The following PCNX2 variants were observed in gnomAD, a reference collection of about 807,000 sequenced individuals.
PCNX2 encodes the protein pecanex 2.
A neutral mutation model predicts 223.8 loss-of-function variants in PCNX2; 168 were observed. The observed-to-expected ratio is 0.75, with a 90% CI of 0.66 to 0.85. The LOEUF is 0.85. PCNX2 is among the 40% of genes least tolerant of loss of function. The pLI is 0.00. For missense variants in PCNX2, 2,507 were observed against 2,675.5 expected (o/e 0.94, Z 1.39); for synonymous variants, 1,006 against 1,052.6 (o/e 0.96, Z 0.86).
At chr1:233,057,353 T>G (rs992041771) in intron 23 of PCNX2, 63 bp from the exon 24 acceptor site, 2 of 1,319,922 alleles carry the variant, frequency 1.5e-6, no homozygotes, top group Non-Finnish European at 2.2e-6. Flanking sequence ...AAGAGTTGGT[T>G]TATAGAACCA....
chr1:233,111,435 G>A (rs1675110240), intron 21 of PCNX2, among the ~76,000 whole-genome samples: 1 of 152,146 alleles, frequency 6.6e-6, no homozygotes, highest in South Asian at 2.1e-4. Context: ...TTGAGACAGA[G>A]TCTTGCTCTG....
At chr1:233,236,320 C>A (rs1658412528) in intron 9 of PCNX2, among the ~76,000 whole-genome samples, 1 of 151,998 alleles carries the variant, frequency 6.6e-6, no homozygotes, top group African/African-American at 2.4e-5. Flanking sequence ...TAAAGGTCGA[C>A]TGGATAAATG....
At chr1:233,209,425 T>C (rs1430041901) in intron 12 of PCNX2, among the ~76,000 whole-genome samples, 1 of 151,996 alleles carries the variant, frequency 6.6e-6, no homozygotes. Flanking sequence ...CAACAAAAAA[T>C]TTACATCTCA....
intron 1 of PCNX2, among the ~76,000 whole-genome samples, chr1:233,268,227 G>T (rs1660449683): frequency 6.6e-6 from 1 of 152,040 alleles, no homozygotes; most frequent in Admixed American, 6.6e-5. Context: ...TTAATTTTTG[G>T]AGGAACTGCC....
At chr1:233,163,266 A>G (rs926039921) in intron 17 of PCNX2, among the ~76,000 whole-genome samples, 7 of 151,982 alleles carry the variant, frequency 4.6e-5, no homozygotes, top group African/African-American at 1.7e-4. Context: ...CAGGTGGATC[A>G]CTTGAGGTCA....
In PCNX2 at chr1:233,295,277, T is replaced by C. The variant is rs2103034119; in HGVS notation, c.153+49A>G. The C allele has an allele frequency of 6.4e-7, 1 of 1,558,078 alleles. No individual in the cohort carries two copies. Among genetic ancestry groups the C allele is most frequent in the Non-Finnish European group, 8.7e-7 (1 of 1,150,668 alleles). ...GGCACGTCTGTGGTTCCTTTCTCCT[T>C]CTTCCCTCCATACCCACAGCTCCCC... On this transcript the variant is annotated intron_variant, in intron 1 of 33. Transcript: ENST00000258229. This position sits in a 1 kb window ranked among gnomAD's most constrained non-coding sequence, Gnocchi z 4.1.
At chr1:232,999,472 A>C in intron 30 of PCNX2, 93 bp from the exon 31 acceptor site, 3 of 1,080,594 alleles carry the variant, frequency 2.8e-6, no homozygotes, top group Non-Finnish European at 3.8e-6. Context: ...TTTTTTTTTG[A>C]GATAGAGTTT....
intron 17 of PCNX2, among the ~76,000 whole-genome samples, chr1:233,176,192 G>A (rs1382460061): frequency 3.3e-5 from 5 of 152,204 alleles, no homozygotes; most frequent in Admixed American, 1.3e-4. Context: ...CACAATTAAT[G>A]AGCATTGTGT....
intron 10 of PCNX2, among the ~76,000 whole-genome samples, chr1:233,226,382 G>T (rs11587201): frequency 6.6e-6 from 1 of 152,130 alleles, no homozygotes; most frequent in Non-Finnish European, 1.5e-5. Flanking sequence ...CAATTCTCTA[G>T]CCTCAGCCTC....
At chr1:233,194,424 A>G (rs1278524364) in intron 15 of PCNX2, among the ~76,000 whole-genome samples, 5 of 151,994 alleles carry the variant, frequency 3.3e-5, no homozygotes, top group Non-Finnish European at 7.4e-5. Flanking sequence ...TATGATGGCA[A>G]GCAGAAAGAT....
chr1:233,017,891 C>T (rs145028271), intron 26 of PCNX2, among the ~76,000 whole-genome samples: 22 of 152,342 alleles, frequency 1.4e-4, no homozygotes, highest in South Asian at 8.3e-4. Flanking sequence ...CACCCTCTGA[C>T]GGGGTTGCTG....
chr1:233,169,437 G>C (rs913535722), intron 17 of PCNX2, among the ~76,000 whole-genome samples: 1 of 151,820 alleles, frequency 6.6e-6, no homozygotes, highest in East Asian at 2.0e-4. Context: ...ACGAGGTCAG[G>C]AGATCGAGAC....
At chr1:233,223,436 G>T (rs1657510083) in intron 10 of PCNX2, among the ~76,000 whole-genome samples, 1 of 152,154 alleles carries the variant, frequency 6.6e-6, no homozygotes, top group Non-Finnish European at 1.5e-5. Context: ...GTAAAAAAGT[G>T]GGGTAAGACA....
intron 17 of PCNX2, chr1:233,172,250 G>A: frequency 1.7e-6 from 1 of 593,448 alleles, no homozygotes; most frequent in Non-Finnish European, 2.1e-6. Flanking sequence ...AGTAAGCTGT[G>A]CATTTTCCCT....
Position 233,000,479 on chromosome 1 carries a change from G to C in PCNX2, c.5154C>G (p.Ile1718Met). ...YEDPAVLYEA[I>M]QSFEKKVVIC... ...TGACCACCTTCTTCTCGAAGGACTG[G>C]ATGGCCTCGTAGAGGACTGCTGGGT... Residue 1718 changes from isoleucine (I) to methionine (M), a missense_variant, in exon 30 of 34, where the codon ATC becomes ATG. Around this residue, in one of 3 missense-constraint regions of PCNX2, gnomAD observed 1,372 missense variants for 1,509.4 expected, o/e 0.91. Coordinates refer to ENST00000258229, the MANE Select transcript of PCNX2 (RefSeq NM_014801.4). The surrounding 1 kb of genome is among the most constrained non-coding windows in gnomAD (Gnocchi z 4.6). The C allele has an allele frequency of 6.2e-7, 1 of 1,600,374 alleles. No homozygotes were observed. The highest frequency in any genetic ancestry group is 2.2e-5 in the East Asian group (1 of 44,764).
Position 233,022,760 on chromosome 1 carries a change from C to T in PCNX2, c.4605+2386G>A, listed in dbSNP as rs377560842. Among the ~76,000 whole-genome samples the T allele has an allele frequency of 6.6e-3, 947 of 144,220 alleles. 9 individuals carry two copies. The highest frequency in any genetic ancestry group is 0.022 in the African/African-American group (860 of 39,128). The allele number at this position is 144,220 out of a possible 152,430, so 94.6% of individuals were successfully genotyped here. A position where few individuals can be genotyped will look rare whatever the true frequency, so the allele number is the denominator to read the frequency against. ...TTGCCCAGGCTGGAGTGCAGTGGTGCGATCTTGGCTCACTGCAACTTCCGC... is the reference window on the plus strand; with the variant it reads ...TTGCCCAGGCTGGAGTGCAGTGGTGTGATCTTGGCTCACTGCAACTTCCGC... On this transcript the variant is annotated intron_variant, in intron 26 of 33. Coordinates refer to ENST00000258229, the MANE Select transcript of PCNX2 (RefSeq NM_014801.4).
intron 19 of PCNX2, among the ~76,000 whole-genome samples, chr1:233,154,033 T>A (rs560194114): frequency 2.4e-4 from 37 of 152,300 alleles, no homozygotes; most frequent in African/African-American, 7.9e-4. Context: ...TGGATTTTTT[T>A]AAATTACAAT....
chr1:233,091,484 A>G (rs1298081361), intron 22 of PCNX2, among the ~76,000 whole-genome samples: 2 of 152,156 alleles, frequency 1.3e-5, no homozygotes, highest in African/African-American at 4.8e-5. Flanking sequence ...GGATTCCCTA[A>G]CAGCCCTATT....
intron 32 of PCNX2, among the ~76,000 whole-genome samples, chr1:232,992,517 T>C (rs1669737579): frequency 1.3e-5 from 2 of 152,132 alleles, no homozygotes; most frequent in South Asian, 4.1e-4. Flanking sequence ...CATCAACTCA[T>C]TCCCAGGGCT....
Sources: gnomAD v4.1 joint callset for allele counts (sites outside exome capture counted in the v4.1 genomes callset) on GRCh38, gnomAD v4.1.1 for gene constraint, gnomAD v4.1.1 regional missense constraint, Gnocchi (gnomAD v3.1) non-coding constraint, MANE v1.5 for transcripts, NCBI Gene and HGNC (gene_info 2026-07-23, HGNC 2026-07-21) for gene names.